COLEC11: variants seen among roughly 807,000 people sequenced by gnomAD.
COLEC11 encodes the protein collectin-11.
A neutral mutation model predicts 27.3 loss-of-function variants in COLEC11; 20 were observed. The ratio of observed to expected loss-of-function variants is 0.73; its 90% CI spans 0.51 to 1.06. The LOEUF is 1.06. Ranked by LOEUF, COLEC11 falls within the 50% of genes least tolerant of loss-of-function variation. The probability of loss-of-function intolerance (pLI) is 0.00; values close to 1 mark genes in which losing one functional copy is unlikely to be tolerated. For synonymous variants in COLEC11, 163 were observed against 154.7 expected (o/e 1.05, Z -0.40); for missense variants, 310 against 383.0 (o/e 0.81, Z 1.59).
At chr2:3,633,939 A>G (rs1246860687) in intron 3 of COLEC11, among the ~76,000 whole-genome samples, 1 of 152,172 alleles carries the variant, frequency 6.6e-6, no homozygotes, top group African/African-American at 2.4e-5. Flanking sequence ...TTTTCAGGGA[A>G]TATCAGCTTT....
At chr2:3,627,928 C>T (rs1316411899) in intron 3 of COLEC11, among the ~76,000 whole-genome samples, 1 of 152,152 alleles carries the variant, frequency 6.6e-6, no homozygotes, top group African/African-American at 2.4e-5. Context: ...AGAGCGGGAC[C>T]TGGGTGTGAC....
intron 2 of COLEC11, chr2:3,606,023 C>G: frequency 6.6e-7 from 1 of 1,525,830 alleles, no homozygotes; most frequent in Middle Eastern, 1.7e-4. Context: ...TTGGAAGCAA[C>G]TTAAACTGTT....
chr2:3,598,127 G>C (rs1272314767), intron 1 of COLEC11, among the ~76,000 whole-genome samples: 1 of 152,000 alleles, frequency 6.6e-6, no homozygotes, highest in Non-Finnish European at 1.5e-5. Flanking sequence ...GTAGAGACAG[G>C]GTTTCACCAT....
Position 3,599,735 on chromosome 2 carries a change from C to G in COLEC11, c.-27+4567C>G, listed in dbSNP as rs558888800. Among the ~76,000 whole-genome samples the G allele has an allele frequency of 7.2e-5, 11 of 152,320 alleles. No individual in the cohort carries two copies. The South Asian group carries it at 1.0e-3, about 14-fold the overall frequency. ...GTCTCTGGGCAGTGCCATGGCCCCT[C>G]CATGGCCCAGGGAGGCAAGCACTGG... On this transcript the variant is annotated intron_variant, in intron 1 of 6. Transcript: ENST00000349077.
At chr2:3,618,542 C>T (rs944782334) in intron 3 of COLEC11, among the ~76,000 whole-genome samples, 16 of 152,134 alleles carry the variant, frequency 1.1e-4, no homozygotes, top group Non-Finnish European at 2.1e-4. Context: ...TGTTTTTATG[C>T]CAGTGCTTGT....
intron 1 of COLEC11, among the ~76,000 whole-genome samples, chr2:3,599,439 T>G (rs554883740): frequency 6.6e-6 from 1 of 152,224 alleles, no homozygotes; most frequent in Non-Finnish European, 1.5e-5. Flanking sequence ...GAACCCTGGC[T>G]TCTAGCCCTT....
intron 1 of COLEC11, among the ~76,000 whole-genome samples, chr2:3,599,924 G>C (rs2147843677): frequency 6.6e-6 from 1 of 152,320 alleles, no homozygotes; most frequent in Non-Finnish European, 1.5e-5. Flanking sequence ...TATGGATACT[G>C]TGCTGTGATA....
chr2:3,624,962 T>C (rs1296311634), intron 3 of COLEC11, among the ~76,000 whole-genome samples: 1 of 152,202 alleles, frequency 6.6e-6, no homozygotes, highest in Non-Finnish European at 1.5e-5. Flanking sequence ...GTCCCTGATA[T>C]AGTAGTTATT....
At position 3,595,146 on chromosome 2, in the gene COLEC11, C is replaced by T. The variant is rs1661760009; in HGVS notation, c.-49C>T. The stretch of plus-strand genomic sequence containing the variant: ...GCGGGCCAGCGACGGGCAGGACGCC[C>T]CGTTCGCCTAGCGCGTGCTCAGGTA... On this transcript the variant is annotated 5_prime_UTR_variant, in exon 1 of 7. Coordinates refer to ENST00000349077, the MANE Select transcript of COLEC11 (RefSeq NM_024027.5). 3 of 350,852 alleles carry T rather than the reference C, an allele frequency of 8.6e-6. No homozygotes were observed. The highest frequency in any genetic ancestry group is 6.5e-5 in the African/African-American group (3 of 46,186). The allele number at this position is 350,852 out of a possible 1,614,324, so 21.7% of individuals were successfully genotyped here.
intron 3 of COLEC11, among the ~76,000 whole-genome samples, chr2:3,628,359 A>G (rs568576669): frequency 6.6e-6 from 1 of 152,354 alleles, no homozygotes; most frequent in East Asian, 1.9e-4. Flanking sequence ...GCTCTGCTTC[A>G]GGTTTCTCCA....
intron 1 of COLEC11, among the ~76,000 whole-genome samples, chr2:3,599,728 G>A (rs146506803): frequency 4.0e-4 from 61 of 152,310 alleles, no homozygotes; most frequent in Non-Finnish European, 7.8e-4. Flanking sequence ...GCAGTGCCAT[G>A]GCCCCTCCAT....
At position 3,644,152 on chromosome 2, in the gene COLEC11, CAT is replaced by C. The variant is rs755642169; in HGVS notation, c.*35_*36del. On this transcript the variant is annotated 3_prime_UTR_variant, in exon 7 of 7. Coordinates refer to ENST00000349077, the MANE Select transcript of COLEC11 (RefSeq NM_024027.5). ...CTGGGGCTGCCCATTGGGGGCCCCACATGTCCCTGCAGGGTTGGCAGGGACAG... is the reference window on the plus strand; with the variant it reads ...CTGGGGCTGCCCATTGGGGGCCCCACGTCCCTGCAGGGTTGGCAGGGACAG... 25 of 1,601,578 alleles carry C rather than the reference CAT, an allele frequency of 1.6e-5. No individual in the cohort carries two copies. Among genetic ancestry groups the C allele is most frequent in the Non-Finnish European group, 2.1e-5 (25 of 1,179,836 alleles).
intron 3 of COLEC11, among the ~76,000 whole-genome samples, chr2:3,631,762 G>C (rs1345247479): frequency 6.6e-6 from 1 of 151,158 alleles, no homozygotes; most frequent in Non-Finnish European, 1.5e-5. Context: ...TCTGCTCGGA[G>C]GGCTCTGCCT....
chr2:3,620,736 TG>T (rs1398776361), intron 3 of COLEC11, among the ~76,000 whole-genome samples: 1 of 152,246 alleles, frequency 6.6e-6, no homozygotes, highest in Non-Finnish European at 1.5e-5. Context: ...AGTTTTTGTA[TG>T]TTGTGTTTTC....
At chr2:3,605,896 CTG>C (rs1231903845) in intron 2 of COLEC11, 6 of 589,984 alleles carry the variant, frequency 1.0e-5, no homozygotes, top group Non-Finnish European at 1.7e-5. Context: ...TTTTTTCCGG[CTG>C]TGTTAGCCCT....
chr2:3,610,082 G>T (rs1192539841), intron 2 of COLEC11, among the ~76,000 whole-genome samples: 3 of 152,222 alleles, frequency 2.0e-5, no homozygotes, highest in Admixed American at 6.5e-5. Flanking sequence ...GGAGACGAGG[G>T]TGAGTAGTCA....
chr2:3,644,330 T>G lies in COLEC11; in HGVS notation c.*212T>G, dbSNP rs950845895. 12 of 706,394 alleles carry G rather than the reference T, an allele frequency of 1.7e-5. No homozygotes were observed. The highest frequency in any genetic ancestry group is 2.8e-5 in the Non-Finnish European group (11 of 392,756). 43.8% of individuals were successfully genotyped at this position (706,394 alleles called of 1,614,324 possible). ...GGGTGCTGTCTCTGAAGAAGCAGAG[T>G]TTCATTACCTGTATTGTAGCCCCAA... On this transcript the variant is annotated 3_prime_UTR_variant, in exon 7 of 7. Transcript: ENST00000349077.
At chr2:3,641,427 C>A (rs1463025336) in intron 5 of COLEC11, 14 of 1,286,834 alleles carry the variant, frequency 1.1e-5, no homozygotes, top group Non-Finnish European at 1.4e-5. Flanking sequence ...ACAGAAGGAC[C>A]TGGAGGCAGG....
intron 3 of COLEC11, among the ~76,000 whole-genome samples, chr2:3,615,767 T>TC (rs978898743): frequency 1.0e-4 from 14 of 139,232 alleles, no homozygotes; most frequent in African/African-American, 3.8e-4. Context: ...GGGCAGAGGC[T>TC]CCCCCCACCT....
Sources: allele counts gnomAD v4.1 joint callset (sites outside exome capture counted in the v4.1 genomes callset), GRCh38; gene constraint gnomAD v4.1.1; transcripts MANE v1.5; gene names NCBI Gene and HGNC (gene_info 2026-07-23, HGNC 2026-07-21).